Variants in MRO observed in about 807,000 individuals in gnomAD.
The protein encoded by MRO is protein maestro.
Under a neutral mutation model 31.0 loss-of-function variants are expected in MRO, and 28 were observed. The ratio of observed to expected loss-of-function variants is 0.90; its 90% confidence interval spans 0.67 to 1.24. The LOEUF is 1.24. MRO is among the 50% of genes most tolerant of loss of function. MRO has a pLI of 0.00. For missense variants in MRO, 332 were observed against 289.2 expected, an observed-to-expected ratio of 1.15 and a Z score of -1.07; for synonymous variants, 108 against 108.4, an observed-to-expected ratio of 1.00 and a Z score of 0.02.
chr18:50,811,411 A>T (rs1001341912), intron 2 of MRO, among the ~76,000 whole-genome samples: 1 of 152,098 alleles, frequency 6.6e-6, no homozygotes, highest in Non-Finnish European at 1.5e-5. Context: ...GTCTCTATGG[A>T]TTTACCTATT....
At chr18:50,800,583 A>T (rs1021296134) in intron 6 of MRO, among the ~76,000 whole-genome samples, 2 of 152,228 alleles carry the variant, frequency 1.3e-5, no homozygotes, top group African/African-American at 2.4e-5. Context: ...TACCAGAAGA[A>T]ATTAATAAGT....
chr18:50,795,745 G>C lies in MRO; in HGVS notation c.*3592C>G, dbSNP rs1474645771. The stretch of plus-strand genomic sequence containing the variant: ...ACTTGAGGTCAGGAGTTTGAGACCA[G>C]CCTGGCCAACATGGTGAAACCCCGT... On this transcript the variant is annotated 3_prime_UTR_variant, in exon 8 of 8. Coordinates refer to ENST00000398439, the MANE Select transcript of MRO (RefSeq NM_031939.6). 3 of 152,304 alleles carry C rather than the reference G, an allele frequency of 2.0e-5. No individual in the cohort carries two copies. The highest frequency in any genetic ancestry group is 7.2e-5 in the African/African-American group (3 of 41,436). 9.4% of individuals were successfully genotyped at this position (152,304 alleles called of 1,614,324 possible).
At chr18:50,811,089 A>G (rs1568133042) in intron 2 of MRO, among the ~76,000 whole-genome samples, 1 of 152,214 alleles carries the variant, frequency 6.6e-6, no homozygotes, top group Admixed American at 6.5e-5. Context: ...TGATGGTAGC[A>G]GTAACAATTA....
chr18:50,803,501 T>C (rs1913609795), intron 5 of MRO, among the ~76,000 whole-genome samples: 1 of 150,574 alleles, frequency 6.6e-6, no homozygotes. Context: ...AGCGAGACCC[T>C]GTCTCAAAAA....
Position 50,809,356 on chromosome 18 carries a change from G to A in MRO, c.45C>T (p.Ile15=), listed in dbSNP as rs1914261571. The A allele has an allele frequency of 1.2e-6, 2 of 1,613,858 alleles. No homozygotes were observed. The highest frequency in any genetic ancestry group is 1.3e-5 in the African/African-American group (1 of 74,976). ...TTTTCTGCTTGGGCTGGGAAGTAGG[G>A]ATGGAAAGGGGCTGGCCCAGGATTC... is the stretch of plus-strand genomic sequence containing the variant. ...QRRILGQPLS[I]PTSQPKQKRT... The change falls in exon 3 of 8, where the codon ATC becomes ATT. Residue 15 remains isoleucine (I), a synonymous_variant. Coordinates refer to ENST00000398439, the MANE Select transcript of MRO (RefSeq NM_031939.6).
intron 5 of MRO, among the ~76,000 whole-genome samples, chr18:50,802,944 TAACA>T (rs1231301114): frequency 1.1e-3 from 163 of 147,388 alleles, no homozygotes; most frequent in African/African-American, 3.8e-3. Context: ...TGTGTGTGTT[TAACA>T]AATTTTAATG....
At chr18:50,815,665 C>A in intron 2 of MRO, 2 of 373,512 alleles carry the variant, frequency 5.4e-6, no homozygotes, top group South Asian at 2.3e-5. Flanking sequence ...GGAAGAAGTT[C>A]AGGCAGTCCC....
At chr18:50,819,523 A>G (rs910291451) in intron 2 of MRO, 58 bp downstream of exon 2, 11 of 1,544,038 alleles carry the variant, frequency 7.1e-6, no homozygotes, top group African/African-American at 5.5e-5. Context: ...TGGGAACCCA[A>G]GTGCAGCCAG....
chr18:50,805,838 G>T (rs1202710119), intron 4 of MRO, among the ~76,000 whole-genome samples: 1 of 152,162 alleles, frequency 6.6e-6, no homozygotes, highest in Non-Finnish European at 1.5e-5. Context: ...TTGCTGAGGT[G>T]TCATGAGCCT....
At position 50,806,722 on chromosome 18, in the gene MRO, G is replaced by A. The variant is rs569083454; in HGVS notation, c.228C>T (p.Ala76=). Residue 76 remains alanine (A), a synonymous_variant, in exon 4 of 8, where the codon GCC becomes GCT. Transcript: ENST00000398439. Reference sequence around the variant, plus strand: ...TCCCTACCTTGTCAGGGGCTTCATAGGCCATGGTTCCCAAGTTTCTCATTG... The same window carrying A: ...TCCCTACCTTGTCAGGGGCTTCATAAGCCATGGTTCCCAAGTTTCTCATTG... ...HMAMRNLGTM[A]YEAPDKVRKY... is the part of the protein sequence containing the mutation. 16 of 1,614,186 alleles carry A rather than the reference G, an allele frequency of 9.9e-6. No individual in the cohort carries two copies. The Admixed American group carries it at 1.8e-4, about 18-fold the overall frequency.
chr18:50,800,895 A>G (rs903409086), intron 6 of MRO, among the ~76,000 whole-genome samples: 15 of 151,956 alleles, frequency 9.9e-5, no homozygotes, highest in African/African-American at 3.1e-4. Flanking sequence ...AAAAAAAAAA[A>G]AAAGAAAGAA....
rs1343719147 is a variant in MRO at position 50,799,329 on chromosome 18, C to A, written c.*8G>T. On this transcript the variant is annotated 3_prime_UTR_variant, in exon 8 of 8. Coordinates refer to ENST00000398439, the MANE Select transcript of MRO (RefSeq NM_031939.6). ...CTCATACAGAACCATTTCCCTGCTG[C>A]TCTGCGCTTACAGAATTTTATTTGC... 1.2e-6 allele frequency: 2 copies of A among 1,612,588 alleles called. No individual in the cohort carries two copies. The highest frequency in any genetic ancestry group is 1.7e-6 in the Non-Finnish European group (2 of 1,178,554).
At position 50,795,145 on chromosome 18, in the gene MRO, TTTTA is replaced by T. The variant is rs1912688827; in HGVS notation, c.*4188_*4191del. 2.0e-5 allele frequency: 3 copies of T among 152,214 alleles called. No homozygotes were observed. Among genetic ancestry groups the T allele is most frequent in the Admixed American group, 6.5e-5 (1 of 15,282 alleles). 9.4% of individuals were successfully genotyped at this position (152,214 alleles called of 1,614,324 possible). ...TAAAATGATAATCAATCATAAGTCA[TTTTA>T]TTTGTTATCAAGTTATATTATCAAC... On this transcript the variant is annotated 3_prime_UTR_variant, in exon 8 of 8. Transcript: ENST00000398439.
At chr18:50,809,878 A>G (rs1914319274) in intron 2 of MRO, among the ~76,000 whole-genome samples, 2 of 152,264 alleles carry the variant, frequency 1.3e-5, no homozygotes, top group Admixed American at 6.5e-5. Context: ...TGAACACATC[A>G]TATGTTCAAA....
chr18:50,814,723 T>A (rs1353858422), intron 2 of MRO: 1 of 164,920 alleles, frequency 6.1e-6, no homozygotes, highest in African/African-American at 2.4e-5. Flanking sequence ...CAGAAGAATA[T>A]AATTTGAGAG....
chr18:50,796,705 C>T lies in MRO; in HGVS notation c.*2632G>A, dbSNP rs917606196. ...AGACATGTTGAGAGAAGAGAAAGGA[C>T]CCAAACTTGTCTGAAGCAAAGAGAG... On this transcript the variant is annotated 3_prime_UTR_variant, in exon 8 of 8. Coordinates refer to ENST00000398439, the MANE Select transcript of MRO (RefSeq NM_031939.6). 1 of 152,092 alleles carries T rather than the reference C, an allele frequency of 6.6e-6. No individual in the cohort carries two copies. The highest frequency in any genetic ancestry group is 1.5e-5 in the Non-Finnish European group (1 of 68,034). The allele number at this position is 152,092 out of a possible 1,614,324, so 9.4% of individuals were successfully genotyped here.
chr18:50,804,629 C>A (rs1913725885), intron 5 of MRO, among the ~76,000 whole-genome samples: 1 of 151,624 alleles, frequency 6.6e-6, no homozygotes, highest in South Asian at 2.1e-4. Context: ...CTGTCTCAAA[C>A]AGACAAAAAA....
chr18:50,809,606 T>TG (rs1914292581), intron 2 of MRO, among the ~76,000 whole-genome samples: 2 of 152,092 alleles, frequency 1.3e-5, no homozygotes, highest in Admixed American at 1.3e-4. Context: ...AATAGCAGCT[T>TG]GGGGGTCAAG....
At chr18:50,806,959 A>G in intron 3 of MRO, 109 bp from the exon 4 acceptor site, 1 of 1,129,566 alleles carries the variant, frequency 8.9e-7, no homozygotes, top group Non-Finnish European at 1.3e-6. Context: ...GCTCAATTTT[A>G]CCCCTTCTTT....
Sources: gnomAD v4.1 joint callset for allele counts (sites outside exome capture counted in the v4.1 genomes callset) on GRCh38, gnomAD v4.1.1 for gene constraint, MANE v1.5 for transcripts, NCBI Gene and HGNC (gene_info 2026-07-23, HGNC 2026-07-21) for gene names.